Variants in DSPP observed in about 807,000 individuals in gnomAD.
DSPP encodes the protein deafness, autosomal dominant 39.
DSPP carries 28 observed loss-of-function variants against 29.1 expected under a neutral mutation model. The observed-to-expected ratio is 0.96, with a 90% CI of 0.71 to 1.32. The LOEUF is 1.32. DSPP is among the 40% of genes most tolerant of loss of function. The pLI is 0.00. For missense variants in DSPP, 1,281 were observed against 1,629.9 expected, an observed-to-expected ratio of 0.79 and a Z score of 3.69; for synonymous variants, 481 against 503.4, an observed-to-expected ratio of 0.96 and a Z score of 0.60.
Position 87,615,015 on chromosome 4 carries a change from A to G in DSPP, c.2353A>G (p.Ser785Gly). The G allele has an allele frequency of 6.4e-7, 1 of 1,551,160 alleles. No individual in the cohort carries two copies. Among genetic ancestry groups the G allele is most frequent in the Non-Finnish European group, 8.7e-7 (1 of 1,146,766 alleles). The change falls in exon 5 of 5, where the codon AGC (serine) becomes GGC (glycine). Residue 785 changes from serine to glycine, a missense_variant. Coordinates refer to ENST00000651931, the MANE Select transcript of DSPP (RefSeq NM_014208.3). ...TAGTGACAGCAGCAACAGCAGTGAT[A>G]GCAACGACAGCAGCAATAGCAGTGA... is the stretch of plus-strand genomic sequence containing the variant. The part of the protein sequence containing the change: ...DSSDSSNSSD[S>G]NDSSNSSDSS...
In DSPP at chr4:87,615,419, C is replaced by T. The variant is rs758282862; in HGVS notation, c.2757C>T (p.Asn919=). 7.0e-5 allele frequency: 107 copies of T among 1,536,606 alleles called. No homozygotes were observed. Among genetic ancestry groups the T allele is most frequent in the Non-Finnish European group, 9.0e-5 (103 of 1,139,300 alleles). Residue 919 remains asparagine, a synonymous_variant, in exon 5 of 5, where the codon AAC becomes AAT. Coordinates refer to ENST00000651931, the MANE Select transcript of DSPP (RefSeq NM_014208.3). The part of the protein sequence containing the change: ...SNSSDSSDSS[N]SSDSSESSNS... ...GCAGTGACAGCAGTGATAGCAGCAA[C>T]AGCAGTGATAGCAGTGAAAGCAGTA...
chr4:87,610,751 T>A (rs1464633218), intron 1 of DSPP, 130 bp from the exon 2 acceptor site: 3 of 668,364 alleles, frequency 4.5e-6, no homozygotes, highest in Non-Finnish European at 8.0e-6. Flanking sequence ...TGGACCATCG[T>A]ATGTCTTCTC....
intron 2 of DSPP, 94 bp from the exon 3 acceptor site, chr4:87,612,011 T>TTGTGTGTG (rs36228864): frequency 1.9e-6 from 2 of 1,068,226 alleles, no homozygotes; most frequent in East Asian, 2.6e-5. Context: ...GGAAGAATAT[T>TTGTGTGTG]TGTGTGTGTG....
Position 87,612,642 on chromosome 4 carries a change from C to T in DSPP, c.456C>T (p.Ser152=). ...IIDNAGATNR[S]NTNGNTDKNT... The stretch of plus-strand genomic sequence containing the variant: ...ACAATGCTGGAGCCACAAACAGAAG[C>T]AACACTAATGGAAATACTGATAAGA... The change falls in exon 4 of 5, where the codon AGC becomes AGT. Residue 152 remains serine, a synonymous_variant. Coordinates refer to ENST00000651931, the MANE Select transcript of DSPP (RefSeq NM_014208.3). 1 of 1,614,022 alleles carries T rather than the reference C, an allele frequency of 6.2e-7. No homozygotes were observed. The highest frequency in any genetic ancestry group is 8.5e-7 in the Non-Finnish European group (1 of 1,179,986).
Position 87,614,838 on chromosome 4 carries a change from A to G in DSPP, c.2176A>G (p.Ser726Gly). 6.4e-7 allele frequency: 1 copy of G among 1,551,256 alleles called. No individual in the cohort carries two copies. The change falls in exon 5 of 5, where the codon AGT becomes GGT. Residue 726 changes from serine to glycine, a missense_variant. Physicochemically the swap from Ser to Gly is moderately conservative, Grantham distance 56. This residue lies in a region of DSPP where 444 missense variants were observed against 611.4 expected (regional missense o/e 0.73). Transcript: ENST00000651931. The part of the protein sequence containing the change: ...SDSSNSNSSD[S>G]DSSNSSDSSD... Reference sequence around the variant, plus strand: ...CAGCAGTAATAGTAACAGCAGCGATAGTGACAGCAGCAACAGCAGCGATAG... The same window carrying G: ...CAGCAGTAATAGTAACAGCAGCGATGGTGACAGCAGCAACAGCAGCGATAG...
Position 87,613,883 on chromosome 4 carries a change from G to C in DSPP, c.1221G>C (p.Met407Ile), listed in dbSNP as rs775050838. ...EGKEDKGQHG[M>I]ILGKGNVKTQ... ...AAGAGGATAAAGGACAACATGGAATGATCTTGGGCAAAGGCAATGTCAAGA... is the reference window on the plus strand; with the variant it reads ...AAGAGGATAAAGGACAACATGGAATCATCTTGGGCAAAGGCAATGTCAAGA... Residue 407 changes from methionine to isoleucine, a missense_variant, in exon 5 of 5, where the codon ATG (methionine) becomes ATC (isoleucine). Transcript: ENST00000651931. The C allele has an allele frequency of 6.2e-7, 1 of 1,614,212 alleles. No homozygotes were observed. Among genetic ancestry groups the C allele is most frequent in the Non-Finnish European group, 8.5e-7 (1 of 1,180,032 alleles).
chr4:87,613,564 A>G (rs542887367), intron 4 of DSPP, among the ~76,000 whole-genome samples: 4 of 152,340 alleles, frequency 2.6e-5, no homozygotes, highest in South Asian at 4.1e-4. Context: ...ATTGTTTACA[A>G]AAGTTCCTAC....
At chr4:87,613,363 C>G in intron 4 of DSPP, 55 bp downstream of exon 4, 1 of 1,575,470 alleles carries the variant, frequency 6.3e-7, no homozygotes, top group Non-Finnish European at 8.7e-7. Flanking sequence ...TCCCCTCCAT[C>G]TATTGATGCT....
chr4:87,616,476 C>T lies in DSPP; in HGVS notation c.3814C>T (p.Gln1272Ter). 1 of 1,551,676 alleles carries T rather than the reference C, an allele frequency of 6.4e-7. No homozygotes were observed. Among genetic ancestry groups the T allele is most frequent in the Non-Finnish European group, 8.7e-7 (1 of 1,146,992 alleles). Residue 1272 changes from glutamine (Q) to a stop codon, truncating the protein, a stop_gained, in exon 5 of 5, where the codon CAG (glutamine) becomes TAG (stop). Coordinates refer to ENST00000651931, the MANE Select transcript of DSPP (RefSeq NM_014208.3). LOFTEE classifies it high-confidence loss of function. ...TSDSNDESDS[Q>*]SKSGNGNNNG... ...TGACAGCAATGATGAGAGTGACAGC[C>T]AGAGCAAGTCTGGTAACGGTAACAA...
Position 87,616,151 on chromosome 4 carries a change from C to CAGCAGTGAAAGCAGCAACAGCAGT in DSPP, c.3489_3490insAGCAGTGAAAGCAGCAACAGCAGT (p.Ser1163_Asp1164insSerSerGluSerSerAsnSerSer). The CAGCAGTGAAAGCAGCAACAGCAGT allele has an allele frequency of 1.0e-6, 1 of 960,538 alleles. No individual in the cohort carries two copies. The highest frequency in any genetic ancestry group is 3.7e-5 in the Admixed American group (1 of 27,186). The allele number at this position is 960,538 out of a possible 1,614,324, so 59.5% of individuals were successfully genotyped here. On this transcript the variant is annotated inframe_insertion, in exon 5 of 5. Transcript: ENST00000651931. The stretch of plus-strand genomic sequence containing the variant: ...ACAGCAGCGACAGCAGTGACAGCAG[C>CAGCAGTGAAAGCAGCAACAGCAGT]GATAGCAGCGACAGCAGCGACAGCA...
Position 87,613,149 on chromosome 4 carries a change from G to A in DSPP, c.963G>A (p.Lys321=), listed in dbSNP as rs917033869. ...EDPHNEVDGD[K]TSKSEENSAG... is the part of the protein sequence containing the mutation. ...CCCATAATGAAGTTGATGGAGACAA[G>A]ACCTCCAAGAGTGAGGAGAATTCTG... Residue 321 remains lysine (K), a synonymous_variant, in exon 4 of 5, where the codon AAG becomes AAA. Transcript: ENST00000651931. The A allele has an allele frequency of 1.2e-6, 2 of 1,614,160 alleles. No homozygotes were observed. The highest frequency in any genetic ancestry group is 2.2e-5 in the South Asian group (2 of 91,068).
rs766233158 is a variant in DSPP, at chr4:87,612,214, T to C, written c.135+26T>C. 7.4e-6 allele frequency: 12 copies of C among 1,613,108 alleles called. No individual in the cohort carries two copies. The South Asian group carries it at 1.3e-4, about 18-fold the overall frequency. ...GTATAGGATGTAATATATTTCATTTTATTTCCTATTTCTGAGTTGCTACAT... is the reference window on the plus strand; with the variant it reads ...GTATAGGATGTAATATATTTCATTTCATTTCCTATTTCTGAGTTGCTACAT... On this transcript the variant is annotated intron_variant, in intron 3 of 4. Coordinates refer to ENST00000651931, the MANE Select transcript of DSPP (RefSeq NM_014208.3).
chr4:87,615,926 TGACAGCAG>T lies in DSPP; in HGVS notation c.3265_3272del (p.Asp1089GlnfsTer2). 6.9e-6 allele frequency: 1 copy of T among 144,456 alleles called. No homozygotes were observed. Among genetic ancestry groups the T allele is most frequent in the South Asian group, 6.1e-5 (1 of 16,380 alleles). 8.9% of individuals were successfully genotyped at this position (144,456 alleles called of 1,614,324 possible). The stretch of plus-strand genomic sequence containing the variant: ...ATAGCAGTGAAAGCAGTGATAGCAG[TGACAGCAG>T]CAATAGCAGTGACAGCAGCGATAGC... On this transcript the variant is annotated frameshift_variant, in exon 5 of 5. Coordinates refer to ENST00000651931, the MANE Select transcript of DSPP (RefSeq NM_014208.3). LOFTEE classifies it low-confidence loss of function (END_TRUNC).
In DSPP at chr4:87,613,902, G is replaced by A; in HGVS notation, c.1240G>A (p.Val414Ile). The change falls in exon 5 of 5, where the codon GTC becomes ATC. Residue 414 changes from valine to isoleucine, a missense_variant. Around this residue, in one of 4 missense-constraint regions of DSPP, gnomAD observed 631 missense variants for 643.2 expected, o/e 0.98. Coordinates refer to ENST00000651931, the MANE Select transcript of DSPP (RefSeq NM_014208.3). Reference protein sequence around the residue: ...QHGMILGKGNVKTQGEVVNIE... With the variant: ...QHGMILGKGNIKTQGEVVNIE... ...TGGAATGATCTTGGGCAAAGGCAATGTCAAGACACAAGGAGAGGTTGTCAA... is the reference window on the plus strand; with the variant it reads ...TGGAATGATCTTGGGCAAAGGCAATATCAAGACACAAGGAGAGGTTGTCAA... The A allele has an allele frequency of 1.2e-6, 2 of 1,614,210 alleles. No homozygotes were observed. The highest frequency in any genetic ancestry group is 1.1e-5 in the South Asian group (1 of 91,086).
Position 87,614,652 on chromosome 4 carries a change from AACAGCAGTGATAGTAGTG to A in DSPP, c.2004_2021del (p.Asp673_Ser678del), listed in dbSNP as rs778586592. On this transcript the variant is annotated inframe_deletion, in exon 5 of 5. Transcript: ENST00000651931. ...TAGCAGCGACAGCAGCAATAGCAGT[AACAGCAGTGATAGTAGTG>A]ACAGCAGTGATAGCAGTGACAGCAG... 1.1e-4 allele frequency: 167 copies of A among 1,474,262 alleles called. No homozygotes were observed. Among genetic ancestry groups the A allele is most frequent in the Non-Finnish European group, 1.4e-4 (152 of 1,100,132 alleles). The allele number at this position is 1,474,262 out of a possible 1,614,324, so 91.3% of individuals were successfully genotyped here. A position where few individuals can be genotyped will look rare whatever the true frequency, so the allele number is the denominator to read the frequency against.
In DSPP at chr4:87,614,668, G is replaced by A. The variant is rs1727819907; in HGVS notation, c.2006G>A (p.Ser669Asn). Residue 669 changes from serine (S) to asparagine (N), a missense_variant, in exon 5 of 5, where the codon AGT (serine) becomes AAT (asparagine). Around this residue, in one of 4 missense-constraint regions of DSPP, gnomAD observed 444 missense variants for 611.4 expected, o/e 0.73. Transcript: ENST00000651931. ...AATAGCAGTAACAGCAGTGATAGTA[G>A]TGACAGCAGTGATAGCAGTGACAGC... ...SSNSSNSSDS[S>N]DSSDSSDSSS... The A allele has an allele frequency of 6.5e-7, 1 of 1,538,500 alleles. No individual in the cohort carries two copies. The highest frequency in any genetic ancestry group is 8.8e-7 in the Non-Finnish European group (1 of 1,137,016).
chr4:87,610,492 T>C (rs1050258795), intron 1 of DSPP, among the ~76,000 whole-genome samples: 8 of 152,208 alleles, frequency 5.3e-5, no homozygotes, highest in Non-Finnish European at 8.8e-5. Context: ...TTCTATAGAT[T>C]TGGAGTAAGG....
At chr4:87,610,776 C>G in intron 1 of DSPP, 105 bp from the exon 2 acceptor site, 1 of 763,452 alleles carries the variant, frequency 1.3e-6, no homozygotes, top group Non-Finnish European at 2.3e-6. Flanking sequence ...TAGATACATG[C>G]TTCTTGTCCA....
Position 87,615,020 on chromosome 4 carries a change from C to G in DSPP, c.2358C>G (p.Asn786Lys). 6.5e-7 allele frequency: 1 copy of G among 1,547,428 alleles called. No homozygotes were observed. The highest frequency in any genetic ancestry group is 1.2e-5 in the South Asian group (1 of 83,840). The change falls in exon 5 of 5, where the codon AAC (asparagine) becomes AAG (lysine). Residue 786 changes from asparagine (N) to lysine (K), a missense_variant. By Grantham distance (94) the Asn-to-Lys change is moderately conservative (BLOSUM62 0). Coordinates refer to ENST00000651931, the MANE Select transcript of DSPP (RefSeq NM_014208.3). Reference sequence around the variant, plus strand: ...ACAGCAGCAACAGCAGTGATAGCAACGACAGCAGCAATAGCAGTGACAGCA... The same window carrying G: ...ACAGCAGCAACAGCAGTGATAGCAAGGACAGCAGCAATAGCAGTGACAGCA... ...SSDSSNSSDSNDSSNSSDSSD... is the reference protein window; with the variant it reads ...SSDSSNSSDSKDSSNSSDSSD...
Sources: allele counts gnomAD v4.1 joint callset (sites outside exome capture counted in the v4.1 genomes callset), GRCh38; gene constraint gnomAD v4.1.1; regional missense constraint gnomAD v4.1.1; transcripts MANE v1.5; gene names NCBI Gene and HGNC (gene_info 2026-07-23, HGNC 2026-07-21).